TRMT11: variants seen among roughly 807,000 people sequenced by gnomAD.
The protein encoded by TRMT11 is tRNA (guanine(10)-N(2))-methyltransferase TRMT11.
TRMT11 carries 53 observed loss-of-function variants against 62.8 expected under a neutral mutation model. That is an observed-to-expected ratio of 0.84 (90% CI 0.68 to 1.06). TRMT11 has a LOEUF of 1.06. Among genes scored for constraint, TRMT11 ranks in the 50% least tolerant of loss-of-function variants. TRMT11 has a pLI of 0.00. For missense variants in TRMT11, 556 were observed against 553.4 expected, an observed-to-expected ratio of 1.00 and a Z score of -0.05; for synonymous variants, 188 against 190.3, an observed-to-expected ratio of 0.99 and a Z score of 0.10.
At chr6:126,157,719 T>A (rs1337172967) in intron 21 of TRMT11, among the ~76,000 whole-genome samples, 1 of 152,246 alleles carries the variant, frequency 6.6e-6, no homozygotes, top group African/African-American at 2.4e-5. Flanking sequence ...ATGGGTCTGA[T>A]GAAAAGGAAT....
the TRMT11 span, among the ~76,000 whole-genome samples, chr6:126,231,544 T>G: frequency 6.6e-6 from 1 of 152,046 alleles, no homozygotes. Context: ...TTTGGGGGAG[T>G]CAAAAGTTAT....
At chr6:126,208,035 G>A (rs1476301595), downstream of TRMT11, among the ~76,000 whole-genome samples, 1 of 152,106 alleles carries the variant, frequency 6.6e-6, no homozygotes, top group Non-Finnish European at 1.5e-5. Flanking sequence ...TGATTTACCC[G>A]CAAAGAAGAA....
chr6:126,008,739 G>A (rs902697806), intron 8 of TRMT11: 6 of 627,846 alleles, frequency 9.6e-6, no homozygotes, highest in Non-Finnish European at 1.8e-5. Flanking sequence ...TATTTTTACT[G>A]AATAAAGTAA....
chr6:126,060,786 G>C (rs908210462), intron 17 of TRMT11, among the ~76,000 whole-genome samples: 1 of 152,204 alleles, frequency 6.6e-6, no homozygotes, highest in East Asian at 1.9e-4. Flanking sequence ...GAAGGGCTAG[G>C]GGTAAGTCAC....
intron 12 of TRMT11, among the ~76,000 whole-genome samples, chr6:126,037,500 A>G (rs1775406271): frequency 6.6e-6 from 1 of 152,016 alleles, no homozygotes; most frequent in Admixed American, 6.6e-5. Context: ...ACATGTTTTC[A>G]TGTGTTTGCA....
At chr6:126,170,974 T>G (rs1009808629) in intron 21 of TRMT11, among the ~76,000 whole-genome samples, 3 of 152,248 alleles carry the variant, frequency 2.0e-5, no homozygotes, top group African/African-American at 7.2e-5. Context: ...GGGATGGTAT[T>G]TTTTACTGTA....
At chr6:126,162,040 G>T (rs1392412524) in intron 21 of TRMT11, among the ~76,000 whole-genome samples, 2 of 152,086 alleles carry the variant, frequency 1.3e-5, no homozygotes, top group Non-Finnish European at 2.9e-5. Flanking sequence ...AGTTTCTTTT[G>T]CTGTGCAGAA....
At chr6:126,010,221 A>T (rs1417523970) in intron 8 of TRMT11, among the ~76,000 whole-genome samples, 1 of 152,018 alleles carries the variant, frequency 6.6e-6, no homozygotes, top group Non-Finnish European at 1.5e-5. Flanking sequence ...AAGGCCACAG[A>T]TTTATAGCAT....
intron 1 of TRMT11, among the ~76,000 whole-genome samples, chr6:126,187,169 A>G (rs866173422): frequency 1.3e-5 from 2 of 152,014 alleles, no homozygotes; most frequent in African/African-American, 2.4e-5. Flanking sequence ...AGAAGAAATA[A>G]AACATTTTAT....
At chr6:126,180,687 C>A (rs1021280909) in intron 1 of TRMT11, among the ~76,000 whole-genome samples, 1 of 152,182 alleles carries the variant, frequency 6.6e-6, no homozygotes, top group African/African-American at 2.4e-5. Flanking sequence ...TTTTCTTCAA[C>A]AACTGCTTAC....
At chr6:126,258,041 G>A in the TRMT11 span, 1 of 1,352,318 alleles carries the variant, frequency 7.4e-7, no homozygotes, top group Non-Finnish European at 1.1e-6. Flanking sequence ...TGGCAGCCTG[G>A]GCATCCTCAC....
chr6:126,133,044 C>T (rs1368126295), intron 21 of TRMT11, among the ~76,000 whole-genome samples: 2 of 151,838 alleles, frequency 1.3e-5, no homozygotes, highest in Non-Finnish European at 2.9e-5. Context: ...CTCCACAAAA[C>T]CCATTTTATA....
chr6:126,007,373 A>G (rs1793515430), intron 7 of TRMT11, among the ~76,000 whole-genome samples: 1 of 151,988 alleles, frequency 6.6e-6, no homozygotes, highest in Admixed American at 6.6e-5. Flanking sequence ...AAAAGGTTAT[A>G]AGGGAAAGAG....
At chr6:126,210,641 C>T in the TRMT11 span, among the ~76,000 whole-genome samples, 1 of 152,180 alleles carries the variant, frequency 6.6e-6, no homozygotes, top group African/African-American at 2.4e-5. Context: ...ATATCTCCAG[C>T]AAGACCTTCT....
At chr6:126,190,162 C>T (rs768365588) in intron 1 of TRMT11, among the ~76,000 whole-genome samples, 4 of 152,076 alleles carry the variant, frequency 2.6e-5, no homozygotes, top group African/African-American at 4.8e-5. Context: ...TTTCTAACTG[C>T]GTTTTTGTAC....
At chr6:126,005,317 A>AT (rs1460977694) in intron 7 of TRMT11, among the ~76,000 whole-genome samples, 10 of 152,204 alleles carry the variant, frequency 6.6e-5, no homozygotes, top group African/African-American at 2.4e-4. Flanking sequence ...AGGTAGTATG[A>AT]TATAAAGAAA....
intron 17 of TRMT11, among the ~76,000 whole-genome samples, chr6:126,058,414 A>G (rs1776432788): frequency 6.6e-6 from 1 of 152,234 alleles, no homozygotes; most frequent in Non-Finnish European, 1.5e-5. Flanking sequence ...TGCAATAAAC[A>G]TACATGTGCA....
At chr6:126,051,064 C>T (rs1362600499) in intron 16 of TRMT11, among the ~76,000 whole-genome samples, 1 of 152,104 alleles carries the variant, frequency 6.6e-6, no homozygotes, top group Non-Finnish European at 1.5e-5. Context: ...GGAGATGGTT[C>T]CAAGAGGAGG....
At chr6:126,123,903 G>A (rs1204268178) in intron 21 of TRMT11, among the ~76,000 whole-genome samples, 1 of 151,660 alleles carries the variant, frequency 6.6e-6, no homozygotes, top group Non-Finnish European at 1.5e-5. Flanking sequence ...TACTTTTTGA[G>A]TTTTTTTAAA....
Sources: allele counts gnomAD v4.1 joint callset (sites outside exome capture counted in the v4.1 genomes callset), GRCh38; gene constraint gnomAD v4.1.1; transcripts MANE v1.5; gene names NCBI Gene and HGNC (gene_info 2026-07-23, HGNC 2026-07-21).